TBC1D24: variants seen among roughly 807,000 people sequenced by gnomAD.
TBC1D24 encodes Infantile myoclonic epilepsy.
A neutral mutation model predicts 50.7 loss-of-function variants in TBC1D24; 47 were observed. That is an observed-to-expected ratio of 0.93 (90% CI 0.73 to 1.18). The LOEUF is 1.18. Among genes scored for constraint, TBC1D24 ranks in the 50% most tolerant of loss-of-function variants. TBC1D24 has a pLI of 0.00. For synonymous variants in TBC1D24, 324 were observed against 335.2 expected (o/e 0.97, Z 0.36); for missense variants, 688 against 766.5 (o/e 0.90, Z 1.21).
At position 2,475,726 on chromosome 16, in the gene TBC1D24, T is replaced by C. The variant is rs1441326210; in HGVS notation, c.-116+556T>C. Among the ~76,000 whole-genome samples, 2 of 151,752 alleles carry C rather than the reference T, an allele frequency of 1.3e-5. No homozygotes were observed. The highest frequency in any genetic ancestry group is 2.0e-4 in the East Asian group (1 of 5,108). ...TGGGTGCGCCGTGCCAGGCGGCCGC[T>C]GTCCTTCGGGCCCTGGGAGGTGGAA... On this transcript the variant is annotated intron_variant, in intron 1 of 7. Transcript: ENST00000646147. This position sits in a 1 kb window ranked among gnomAD's most constrained non-coding sequence, Gnocchi z 4.2.
chr16:2,494,147 C>T (rs2065718137), intron 1 of TBC1D24, among the ~76,000 whole-genome samples: 1 of 152,230 alleles, frequency 6.6e-6, no homozygotes, highest in Non-Finnish European at 1.5e-5. Context: ...GGCGTGGTGG[C>T]TCACGCCTGT....
At position 2,500,103 on chromosome 16, in the gene TBC1D24, CA is replaced by C. The variant is rs989310565; in HGVS notation, c.1303-164del. 1.3e-5 allele frequency among the ~76,000 whole-genome samples: 2 copies of C among 152,156 alleles called. No homozygotes were observed. Among genetic ancestry groups the C allele is most frequent in the Non-Finnish European group, 2.9e-5 (2 of 68,008 alleles). ...CATTCAGCCGTGCGCTGCTCCGGGG[CA>C]GGGGGCTTCATCTGCTCGAGCCACC... On this transcript the variant is annotated intron_variant, in intron 6 of 7. Coordinates refer to ENST00000646147, the MANE Select transcript of TBC1D24 (RefSeq NM_001199107.2). This position sits in a 1 kb window ranked among gnomAD's most constrained non-coding sequence, Gnocchi z 8.0.
At chr16:2,476,384 T>C (rs879376267) in intron 1 of TBC1D24, among the ~76,000 whole-genome samples, 2 of 152,236 alleles carry the variant, frequency 1.3e-5, no homozygotes, top group African/African-American at 2.4e-5. Context: ...CAGGTTCTTT[T>C]CATTTTAAGG....
rs2065653189 is a variant in TBC1D24, at chr16:2,486,650, C to G, written c.-115-9384C>G. Among the ~76,000 whole-genome samples, 1 of 152,242 alleles carries G rather than the reference C, an allele frequency of 6.6e-6. No homozygotes were observed. The highest frequency in any genetic ancestry group is 2.4e-5 in the African/African-American group (1 of 41,466). ...GCTGCAGTTGGCCCCTTGGTGGCAT[C>G]TGGGAGTGTGTGGGAGTGCCTTCTG... On this transcript the variant is annotated intron_variant, in intron 1 of 7. Transcript: ENST00000646147. The surrounding 1 kb of genome is among the most constrained non-coding windows in gnomAD (Gnocchi z 5.8).
chr16:2,476,133 G>A (rs1009233155), intron 1 of TBC1D24, among the ~76,000 whole-genome samples: 1 of 152,224 alleles, frequency 6.6e-6, no homozygotes, highest in African/African-American at 2.4e-5. Context: ...TGCTGTGTTT[G>A]CTCTGGAGTC....
intron 1 of TBC1D24, among the ~76,000 whole-genome samples, chr16:2,490,665 T>G (rs933379794): frequency 6.6e-6 from 1 of 151,672 alleles, no homozygotes; most frequent in African/African-American, 2.4e-5. Flanking sequence ...CCGTGAGGAG[T>G]TGGGTGTTAT....
chr16:2,503,228 T>A lies in TBC1D24; in HGVS notation c.*2270T>A, dbSNP rs1400000201. On this transcript the variant is annotated 3_prime_UTR_variant, in exon 8 of 8. Coordinates refer to ENST00000646147, the MANE Select transcript of TBC1D24 (RefSeq NM_001199107.2). ...ACATCATGAGCGAAGTTCTTTGTTT[T>A]TTGTGTGCATGCAAAATATTGTTTC... 1 of 152,262 alleles carries A rather than the reference T, an allele frequency of 6.6e-6. No individual in the cohort carries two copies. The highest frequency in any genetic ancestry group is 1.5e-5 in the Non-Finnish European group (1 of 68,040). The allele number at this position is 152,262 out of a possible 1,614,324, so 9.4% of individuals were successfully genotyped here.
intron 1 of TBC1D24, among the ~76,000 whole-genome samples, chr16:2,488,242 G>A (rs946252304): frequency 2.6e-5 from 4 of 152,158 alleles, no homozygotes; most frequent in Admixed American, 2.6e-4. Context: ...GACATAGGCT[G>A]CTGTTGGGTG....
chr16:2,490,600 A>C (rs1321627807), intron 1 of TBC1D24, among the ~76,000 whole-genome samples: 1 of 152,062 alleles, frequency 6.6e-6, no homozygotes, highest in Non-Finnish European at 1.5e-5. Flanking sequence ...CCTGCACCCC[A>C]CCCTGTCAGT....
chr16:2,488,414 C>G (rs952664536), intron 1 of TBC1D24, among the ~76,000 whole-genome samples: 1 of 150,668 alleles, frequency 6.6e-6, no homozygotes, highest in African/African-American at 2.4e-5. Flanking sequence ...GCACGGTGGT[C>G]ACATGCGTCA....
At chr16:2,493,075 A>G (rs889648337) in intron 1 of TBC1D24, among the ~76,000 whole-genome samples, 1 of 151,888 alleles carries the variant, frequency 6.6e-6, no homozygotes, top group Non-Finnish European at 1.5e-5. Flanking sequence ...CCTGGACGAC[A>G]GTGCGGCACT....
In TBC1D24 at chr16:2,482,359, G is replaced by A. The variant is rs2065616254; in HGVS notation, c.-116+7189G>A. ...GGGTGAGGACAGATGTGGACAGGAG[G>A]CGTGGAGCTCTGTGACGCCTTGGCC... On this transcript the variant is annotated intron_variant, in intron 1 of 7. Transcript: ENST00000646147. This position sits in a 1 kb window ranked among gnomAD's most constrained non-coding sequence, Gnocchi z 5.2. Among the ~76,000 whole-genome samples, 1 of 152,208 alleles carries A rather than the reference G, an allele frequency of 6.6e-6. No individual in the cohort carries two copies. Among genetic ancestry groups the A allele is most frequent in the Non-Finnish European group, 1.5e-5 (1 of 68,038 alleles).
rs2065808577 is a variant in TBC1D24, at chr16:2,503,217, GTTCT to G, written c.*2262_*2265del. 1.3e-5 allele frequency: 2 copies of G among 152,220 alleles called. No individual in the cohort carries two copies. Among genetic ancestry groups the G allele is most frequent in the South Asian group, 4.1e-4 (2 of 4,836 alleles). The allele number at this position is 152,220 out of a possible 1,614,324, so 9.4% of individuals were successfully genotyped here. A position where few individuals can be genotyped will look rare whatever the true frequency, so the allele number is the denominator to read the frequency against. ...TCATGATTTCCACATCATGAGCGAA[GTTCT>G]TTGTTTTTTGTGTGCATGCAAAATA... On this transcript the variant is annotated 3_prime_UTR_variant, in exon 8 of 8. Coordinates refer to ENST00000646147, the MANE Select transcript of TBC1D24 (RefSeq NM_001199107.2).
rs1166492915 is a variant in TBC1D24, at chr16:2,499,518, C to A, written c.1206+98C>A. 31 of 1,091,252 alleles carry A rather than the reference C, an allele frequency of 2.8e-5. No individual in the cohort carries two copies. Among genetic ancestry groups the A allele is most frequent in the Non-Finnish European group, 4.3e-5 (31 of 728,384 alleles). 67.6% of individuals were successfully genotyped at this position (1,091,252 alleles called of 1,614,324 possible). ...GCTCTGATGGGCTTCAGGGCCTAGG[C>A]CTCCTGGGCCAGATCCAGAGTCAGA... On this transcript the variant is annotated intron_variant, in intron 5 of 7. Transcript: ENST00000646147. This position sits in a 1 kb window ranked among gnomAD's most constrained non-coding sequence, Gnocchi z 4.0.
chr16:2,485,954 C>T lies in TBC1D24; in HGVS notation c.-115-10080C>T, dbSNP rs559006396. 9.2e-5 allele frequency among the ~76,000 whole-genome samples: 14 copies of T among 152,304 alleles called. No homozygotes were observed. In the South Asian group the frequency reaches 2.5e-3, roughly 27 times the overall value. ...TGTGCCCCAGGGTTTCCGGGCACTC[C>T]GAGCTTCCCTGGCAGGCAACAAAGC... On this transcript the variant is annotated intron_variant, in intron 1 of 7. Coordinates refer to ENST00000646147, the MANE Select transcript of TBC1D24 (RefSeq NM_001199107.2). The surrounding 1 kb of genome is among the most constrained non-coding windows in gnomAD (Gnocchi z 4.6).
chr16:2,501,031 G>C lies in TBC1D24; in HGVS notation c.*73G>C, dbSNP rs1415652836. 1 of 1,582,606 alleles carries C rather than the reference G, an allele frequency of 6.3e-7. No individual in the cohort carries two copies. Among genetic ancestry groups the C allele is most frequent in the South Asian group, 1.1e-5 (1 of 89,784 alleles). On this transcript the variant is annotated 3_prime_UTR_variant, in exon 8 of 8. Coordinates refer to ENST00000646147, the MANE Select transcript of TBC1D24 (RefSeq NM_001199107.2). ...CTGGGCTGCCGCCTCGGGCAGCAGA[G>C]AGCAGATGAAACCCCCATGTGGTAG...
At position 2,485,432 on chromosome 16, in the gene TBC1D24, CGT is replaced by C. The variant is rs2065641688; in HGVS notation, c.-116+10265_-116+10266del. ...GGAGGGAGTGCCTGGAGGGCAGCACCGTGTCCCTCTCCCGTACCTCACCCTAA... is the reference window on the plus strand; with the variant it reads ...GGAGGGAGTGCCTGGAGGGCAGCACCGTCCCTCTCCCGTACCTCACCCTAA... On this transcript the variant is annotated intron_variant, in intron 1 of 7. Transcript: ENST00000646147. The surrounding 1 kb of genome is among the most constrained non-coding windows in gnomAD (Gnocchi z 4.6). The C allele has an allele frequency of 6.6e-6, 1 of 152,220 alleles. No homozygotes were observed. Among genetic ancestry groups the C allele is most frequent in the African/African-American group, 2.4e-5 (1 of 41,434 alleles). The allele number at this position is 152,220 out of a possible 1,614,324, so 9.4% of individuals were successfully genotyped here. A position where few individuals can be genotyped will look rare whatever the true frequency, so the allele number is the denominator to read the frequency against.
rs547908514 is a variant in TBC1D24 at position 2,488,670 on chromosome 16, C to T, written c.-115-7364C>T. ...GGGACTACAGGCGCCCGCCACCACA[C>T]CTAGCTAATTTTTGGATTTAGTAGA... On this transcript the variant is annotated intron_variant, in intron 1 of 7. Transcript: ENST00000646147. Among the ~76,000 whole-genome samples, 103 of 151,052 alleles carry T rather than the reference C, an allele frequency of 6.8e-4. 2 individuals are homozygous for T. The highest frequency in any genetic ancestry group is 2.3e-3 in the African/African-American group (96 of 41,272).
Position 2,496,377 on chromosome 16 carries a change from A to G in TBC1D24, c.229A>G (p.Ile77Val), listed in dbSNP as rs1477642131. 2 of 1,613,290 alleles carry G rather than the reference A, an allele frequency of 1.2e-6. No individual in the cohort carries two copies. The highest frequency in any genetic ancestry group is 1.7e-6 in the Non-Finnish European group (2 of 1,179,970). ...VTPDASVYSD[I>V]VGKIVGKHSS... The stretch of plus-strand genomic sequence containing the variant: ...GCCTGACGCCAGCGTGTACAGCGAC[A>G]TCGTGGGCAAGATCGTGGGCAAGCA... Residue 77 changes from isoleucine (I) to valine (V), a missense_variant, in exon 2 of 8, where the codon ATC (isoleucine) becomes GTC (valine). Coordinates refer to ENST00000646147, the MANE Select transcript of TBC1D24 (RefSeq NM_001199107.2).
Sources: allele counts gnomAD v4.1 joint callset (sites outside exome capture counted in the v4.1 genomes callset), GRCh38; gene constraint gnomAD v4.1.1; non-coding constraint Gnocchi (gnomAD v3.1); transcripts MANE v1.5; gene names NCBI Gene and HGNC (gene_info 2026-07-23, HGNC 2026-07-21).